Variants in ANKRD62 observed in about 807,000 individuals in gnomAD.
ANKRD62 encodes ankyrin repeat domain-containing protein 62.
A neutral mutation model predicts 98.8 loss-of-function variants in ANKRD62; 61 were observed. That is an observed-to-expected ratio of 0.62 (90% CI 0.50 to 0.76). The LOEUF is 0.76. ANKRD62 is among the 30% of genes least tolerant of loss of function. ANKRD62 has a pLI of 0.00. For missense variants in ANKRD62, 933 were observed against 1,082.9 expected, an observed-to-expected ratio of 0.86 and a Z score of 1.94; for synonymous variants, 341 against 367.9, an observed-to-expected ratio of 0.93 and a Z score of 0.84.
intron 7 of ANKRD62, 65 bp downstream of exon 7, chr18:12,103,293 T>C (rs1909346477): frequency 2.9e-6 from 3 of 1,032,668 alleles, no homozygotes; most frequent in Non-Finnish European, 3.8e-6. Context: ...CCAAATGAAA[T>C]TACTTTTGGA....
downstream of ANKRD62, among the ~76,000 whole-genome samples, chr18:12,132,223 G>C (rs992156388): frequency 3.9e-5 from 6 of 151,970 alleles, no homozygotes; most frequent in African/African-American, 1.4e-4. Context: ...ATTCCTAGCA[G>C]TTTATTTCTA....
chr18:12,104,103 T>G (rs949779961), intron 7 of ANKRD62, among the ~76,000 whole-genome samples: 1 of 152,074 alleles, frequency 6.6e-6, no homozygotes, highest in Non-Finnish European at 1.5e-5. Context: ...TAAAATCTTG[T>G]TAAGTGAAGA....
chr18:12,096,895 T>C (rs1444386245), intron 4 of ANKRD62, among the ~76,000 whole-genome samples: 1 of 152,200 alleles, frequency 6.6e-6, no homozygotes, highest in Non-Finnish European at 1.5e-5. Context: ...TTTGGTGTTA[T>C]TTTTAATTAG....
chr18:12,146,627 G>C, the ANKRD62 span, among the ~76,000 whole-genome samples: 3 of 151,990 alleles, frequency 2.0e-5, no homozygotes, highest in Non-Finnish European at 4.4e-5. Flanking sequence ...TGGAGTTTTA[G>C]TAGAGACGGG....
At chr18:12,155,533 C>T in the ANKRD62 span, among the ~76,000 whole-genome samples, 1 of 152,176 alleles carries the variant, frequency 6.6e-6, no homozygotes, top group Admixed American at 6.5e-5. Context: ...GCTTCCTTGT[C>T]CCCATGGGCC....
chr18:12,113,182 G>A (rs1222837859), intron 8 of ANKRD62, among the ~76,000 whole-genome samples: 5 of 152,004 alleles, frequency 3.3e-5, no homozygotes, highest in Non-Finnish European at 4.4e-5. Flanking sequence ...GATGTCAGCC[G>A]CTGCTCCAGG....
rs1280818023 is a variant in ANKRD62, at chr18:12,097,702, A to G, written c.677A>G (p.His226Arg). 2.0e-6 allele frequency: 3 copies of G among 1,535,976 alleles called. No individual in the cohort carries two copies. Among genetic ancestry groups the G allele is most frequent in the African/African-American group, 2.7e-5 (2 of 73,044 alleles). The change falls in exon 5 of 14, where the codon CAC (histidine) becomes CGC (arginine). Residue 226 changes from histidine to arginine, a missense_variant. By Grantham distance (29) the His-to-Arg change is conservative. Around this residue, in one of 3 missense-constraint regions of ANKRD62, gnomAD observed 549 missense variants for 587.9 expected, o/e 0.93. Coordinates refer to ENST00000587848, the MANE Select transcript of ANKRD62 (RefSeq NM_001277333.2). Reference protein sequence around the residue: ...STSVVYQLLQHNIDVFCQDIS... With the variant: ...STSVVYQLLQRNIDVFCQDIS... ...AGTGTAGTCTACCAGCTTCTTCAGC[A>G]CAATATTGATGTCTTTTGCCAAGAT...
chr18:12,097,573 T>A (rs1909208259), intron 4 of ANKRD62, 67 bp from the exon 5 acceptor site: 1 of 1,451,582 alleles, frequency 6.9e-7, no homozygotes, highest in African/African-American at 1.4e-5. Flanking sequence ...TGGTAAAGTT[T>A]ATAAATTTAG....
chr18:12,129,747 C>CAAA (rs71172053), exon 14 of ANKRD62: 2 of 100,482 alleles, frequency 2.0e-5, no homozygotes, highest in Non-Finnish European at 3.8e-5. Flanking sequence ...GACTCTGTCT[C>CAAA]AAAAAAAAAA....
At chr18:12,157,535 A>G in the ANKRD62 span, among the ~76,000 whole-genome samples, 1 of 152,144 alleles carries the variant, frequency 6.6e-6, no homozygotes, top group African/African-American at 2.4e-5. Context: ...AATATGATGT[A>G]ATATCCTTTG....
At chr18:12,153,758 C>T in the ANKRD62 span, among the ~76,000 whole-genome samples, 1 of 151,486 alleles carries the variant, frequency 6.6e-6, no homozygotes, top group African/African-American at 2.4e-5. Flanking sequence ...TCAAAACAGA[C>T]ATATATACTA....
At chr18:12,121,904 C>T (rs1392063434) in intron 10 of ANKRD62, among the ~76,000 whole-genome samples, 2 of 152,224 alleles carry the variant, frequency 1.3e-5, no homozygotes, top group East Asian at 3.8e-4. Context: ...GTGCCGCAGA[C>T]TAGCCAGAGC....
intron 12 of ANKRD62, 106 bp downstream of exon 12, chr18:12,124,426 A>G (rs1406245585): frequency 2.4e-6 from 1 of 417,126 alleles, no homozygotes; most frequent in African/African-American, 2.1e-5. Context: ...ATTTTATTTC[A>G]TCTTAAAAAT....
chr18:12,157,056 G>A, the ANKRD62 span, among the ~76,000 whole-genome samples: 2 of 152,162 alleles, frequency 1.3e-5, no homozygotes, highest in African/African-American at 2.4e-5. Context: ...TTAAAGGCAA[G>A]AGCCACTGTG....
Position 12,103,232 on chromosome 18 carries a change from T to A in ANKRD62, c.891+4T>A. Reference sequence around the variant, plus strand: ...ATGTGAAAGTAGCCAGCCACAGGTATGTAAAAATTTAATTTCAAATTTCTG... The same window carrying A: ...ATGTGAAAGTAGCCAGCCACAGGTAAGTAAAAATTTAATTTCAAATTTCTG... On this transcript the variant is annotated splice_donor_region_variant and intron_variant, in intron 7 of 13. Transcript: ENST00000587848. 1 of 1,333,886 alleles carries A rather than the reference T, an allele frequency of 7.5e-7. No individual in the cohort carries two copies. Among genetic ancestry groups the A allele is most frequent in the Non-Finnish European group, 9.7e-7 (1 of 1,032,358 alleles). 82.6% of individuals were successfully genotyped at this position (1,333,886 alleles called of 1,614,324 possible). A position where few individuals can be genotyped will look rare whatever the true frequency, so the allele number is the denominator to read the frequency against.
chr18:12,167,447 G>A, the ANKRD62 span, among the ~76,000 whole-genome samples: 25 of 152,014 alleles, frequency 1.6e-4, no homozygotes, highest in Admixed American at 1.4e-3. Flanking sequence ...CATCCATGTC[G>A]CTACAAAGGA....
chr18:12,174,404 T>A, the ANKRD62 span, among the ~76,000 whole-genome samples: 1 of 152,212 alleles, frequency 6.6e-6, no homozygotes, highest in South Asian at 2.1e-4. Context: ...GTGCGTTGTT[T>A]TATTGTGATC....
chr18:12,123,057 T>C (rs1307491646), intron 11 of ANKRD62, among the ~76,000 whole-genome samples: 1 of 152,078 alleles, frequency 6.6e-6, no homozygotes, highest in Non-Finnish European at 1.5e-5. Context: ...TGTTTGTTTT[T>C]TGTCCTTTTG....
the ANKRD62 span, among the ~76,000 whole-genome samples, chr18:12,141,521 T>C: frequency 9.9e-5 from 15 of 151,524 alleles, no homozygotes; most frequent in African/African-American, 3.6e-4. Flanking sequence ...TTTTTTTTCC[T>C]ATGGTGGCTA....
Sources: allele counts gnomAD v4.1 joint callset (sites outside exome capture counted in the v4.1 genomes callset), GRCh38; gene constraint gnomAD v4.1.1; regional missense constraint gnomAD v4.1.1; transcripts MANE v1.5; gene names NCBI Gene and HGNC (gene_info 2026-07-23, HGNC 2026-07-21).